TPRG1: variants seen among roughly 807,000 people sequenced by gnomAD.
The protein encoded by TPRG1 is tumor protein p63-regulated gene 1 protein.
In TPRG1, 29 loss-of-function variants were observed where a neutral mutation model predicts 29.3. That is an observed-to-expected ratio of 0.99 (90% CI 0.74 to 1.35). The LOEUF is 1.35. TPRG1 is among the 40% of genes most tolerant of loss of function. TPRG1 has a pLI of 0.00. For missense variants in TPRG1, 327 were observed against 335.0 expected (o/e 0.98, Z 0.19); for synonymous variants, 130 against 116.8 (o/e 1.11, Z -0.73).
At chr3:189,069,393 G>A (rs1395470031) in intron 4 of TPRG1, among the ~76,000 whole-genome samples, 5 of 152,176 alleles carry the variant, frequency 3.3e-5, no homozygotes, top group African/African-American at 4.8e-5. Flanking sequence ...AGGGAAACAT[G>A]AGAGATTCTT....
At chr3:189,116,203 A>T (rs1421203251) in intron 1 of TPRG1, among the ~76,000 whole-genome samples, 6 of 152,136 alleles carry the variant, frequency 3.9e-5, no homozygotes, top group African/African-American at 1.4e-4. Flanking sequence ...TTTGAGATGG[A>T]GTGTCACTCT....
chr3:189,216,542 A>G (rs1325853432), intron 3 of TPRG1, among the ~76,000 whole-genome samples: 1 of 152,202 alleles, frequency 6.6e-6, no homozygotes, highest in African/African-American at 2.4e-5. Flanking sequence ...AATGGAGATA[A>G]TAGTATGTAT....
At chr3:189,100,772 T>G (rs1310394810) in intron 1 of TPRG1, among the ~76,000 whole-genome samples, 2 of 152,164 alleles carry the variant, frequency 1.3e-5, no homozygotes, top group Admixed American at 1.3e-4. Flanking sequence ...CTTGACCAGT[T>G]CAGACAGCGG....
chr3:189,228,698 A>T (rs1263944980), intron 3 of TPRG1, among the ~76,000 whole-genome samples: 2 of 152,196 alleles, frequency 1.3e-5, no homozygotes, highest in Admixed American at 6.5e-5. Context: ...GATTTGGAAC[A>T]AGGAAAGCGT....
chr3:189,069,866 T>A (rs748123663), intron 4 of TPRG1, among the ~76,000 whole-genome samples: 1 of 151,816 alleles, frequency 6.6e-6, no homozygotes, highest in Non-Finnish European at 1.5e-5. Context: ...CAGCACGAGG[T>A]CAAGAGATCG....
At chr3:189,149,540 G>A (rs1224980189) in intron 4 of TPRG1, among the ~76,000 whole-genome samples, 1 of 152,192 alleles carries the variant, frequency 6.6e-6, no homozygotes, top group East Asian at 1.9e-4. Flanking sequence ...AAGAGTGACT[G>A]GTCCCCTGAT....
At chr3:189,235,349 A>C (rs80272560) in intron 3 of TPRG1, among the ~76,000 whole-genome samples, 2,613 of 151,824 alleles carry the variant, frequency 0.017, 91 homozygotes, top group African/African-American at 0.06. Context: ...AGTGATTGCA[A>C]TCATCTAGGC....
chr3:189,136,295 T>C (rs1323318792), intron 3 of TPRG1, among the ~76,000 whole-genome samples: 1 of 152,108 alleles, frequency 6.6e-6, no homozygotes. Flanking sequence ...GACAAATATA[T>C]CAGTAGTAAT....
chr3:189,275,095 A>T (rs1715897860), intron 4 of TPRG1, among the ~76,000 whole-genome samples: 1 of 152,028 alleles, frequency 6.6e-6, no homozygotes, highest in Admixed American at 6.6e-5. Flanking sequence ...AGTAGAAGGG[A>T]ACAGAATCAC....
At chr3:189,285,789 T>C (rs1717958136) in intron 4 of TPRG1, among the ~76,000 whole-genome samples, 1 of 152,230 alleles carries the variant, frequency 6.6e-6, no homozygotes, top group African/African-American at 2.4e-5. Context: ...AACTCAAGTC[T>C]CCTGACTCCA....
At chr3:189,269,886 T>C (rs181284937) in intron 4 of TPRG1, among the ~76,000 whole-genome samples, 1 of 152,312 alleles carries the variant, frequency 6.6e-6, no homozygotes, top group Non-Finnish European at 1.5e-5. Context: ...TTTTGTTCTT[T>C]TTATGTCACC....
intron 4 of TPRG1, among the ~76,000 whole-genome samples, chr3:189,061,306 G>A (rs553682785): frequency 5.9e-5 from 9 of 152,154 alleles, no homozygotes; most frequent in Non-Finnish European, 8.8e-5. Context: ...ATGGCTTAAA[G>A]ACTTAAATGT....
chr3:189,004,987 T>G (rs188441189), intron 3 of TPRG1, among the ~76,000 whole-genome samples: 1 of 152,032 alleles, frequency 6.6e-6, no homozygotes, highest in African/African-American at 2.4e-5. Flanking sequence ...TTATGTTAAG[T>G]GAAATAAGCC....
At chr3:189,251,381 G>A (rs1243806980) in intron 4 of TPRG1, among the ~76,000 whole-genome samples, 1 of 152,280 alleles carries the variant, frequency 6.6e-6, no homozygotes, top group African/African-American at 2.4e-5. Context: ...TGAAGGGGTG[G>A]GTTGCCCCTC....
intron 4 of TPRG1, among the ~76,000 whole-genome samples, chr3:189,296,592 G>A (rs1415722492): frequency 1.3e-5 from 2 of 151,934 alleles, no homozygotes; most frequent in Admixed American, 1.3e-4. Flanking sequence ...CCTTTTTATG[G>A]CCACATACTT....
At chr3:189,284,952 A>C (rs1238614701) in intron 4 of TPRG1, among the ~76,000 whole-genome samples, 1 of 152,190 alleles carries the variant, frequency 6.6e-6, no homozygotes, top group Non-Finnish European at 1.5e-5. Context: ...ATCTAATTAA[A>C]CTAAAGAGCT....
At chr3:189,113,005 T>G (rs1245258947) in intron 1 of TPRG1, among the ~76,000 whole-genome samples, 1 of 152,212 alleles carries the variant, frequency 6.6e-6, no homozygotes, top group Non-Finnish European at 1.5e-5. Context: ...TTCCTATCCA[T>G]GAGCATGGAA....
At chr3:189,086,716 A>G (rs986817549) in intron 4 of TPRG1, among the ~76,000 whole-genome samples, 1 of 152,072 alleles carries the variant, frequency 6.6e-6, no homozygotes, top group Non-Finnish European at 1.5e-5. Context: ...TTTAGTAGAC[A>G]CAGGGTTTCT....
chr3:189,145,234 C>G (rs559568055), intron 3 of TPRG1, among the ~76,000 whole-genome samples: 27 of 151,830 alleles, frequency 1.8e-4, no homozygotes, highest in African/African-American at 5.6e-4. Context: ...TGGTGGCAGG[C>G]GCCTGTAATC....
Sources: allele counts gnomAD v4.1 joint callset (sites outside exome capture counted in the v4.1 genomes callset), GRCh38; gene constraint gnomAD v4.1.1; transcripts MANE v1.5; gene names NCBI Gene and HGNC (gene_info 2026-07-23, HGNC 2026-07-21).